SPATA13: variants seen among roughly 807,000 people sequenced by gnomAD.
SPATA13 encodes the protein spermatogenesis-associated protein 13.
In SPATA13, 50 loss-of-function variants were observed where a neutral mutation model predicts 104.0. The observed-to-expected ratio is 0.48, with a 90% CI of 0.38 to 0.61. The LOEUF is 0.61. Ranked by LOEUF, SPATA13 falls within the 20% of genes least tolerant of loss-of-function variation. The probability of loss-of-function intolerance (pLI) is 0.00; values close to 1 mark genes in which losing one functional copy is unlikely to be tolerated. For synonymous variants in SPATA13, 606 were observed against 667.5 expected (o/e 0.91, Z 1.42); for missense variants, 1,524 against 1,690.6 (o/e 0.90, Z 1.73).
At chr13:24,132,367 C>G (rs1198768569) in intron 3 of SPATA13, among the ~76,000 whole-genome samples, 1 of 152,190 alleles carries the variant, frequency 6.6e-6, no homozygotes, top group Non-Finnish European at 1.5e-5. Context: ...TGGACCAAGT[C>G]CTAATTTATG....
intron 3 of SPATA13, among the ~76,000 whole-genome samples, chr13:24,032,544 A>G (rs1877520954): frequency 6.6e-6 from 1 of 152,178 alleles, no homozygotes; most frequent in Admixed American, 6.5e-5. Flanking sequence ...GGTTTCCTTT[A>G]TACTTGTTCA....
At chr13:24,014,764 A>T (rs1876631421) in intron 2 of SPATA13, among the ~76,000 whole-genome samples, 1 of 152,130 alleles carries the variant, frequency 6.6e-6, no homozygotes, top group Non-Finnish European at 1.5e-5. Context: ...TCAATTGTGA[A>T]TTAAGGGTGT....
chr13:24,112,264 C>A (rs1880663523), intron 3 of SPATA13, among the ~76,000 whole-genome samples: 1 of 152,160 alleles, frequency 6.6e-6, no homozygotes, highest in South Asian at 2.1e-4. Context: ...TTTGGTTTGA[C>A]CTAAACATTT....
chr13:24,147,727 C>A (rs1881977711), intron 3 of SPATA13, among the ~76,000 whole-genome samples: 1 of 152,064 alleles, frequency 6.6e-6, no homozygotes, highest in Non-Finnish European at 1.5e-5. Flanking sequence ...AAACTGAAAC[C>A]CTGTACCCAT....
rs771913988 is a variant in SPATA13 at position 24,302,706 on chromosome 13, C to G, written c.3767C>G (p.Ala1256Gly). 1.2e-6 allele frequency: 2 copies of G among 1,614,092 alleles called. No homozygotes were observed. The highest frequency in any genetic ancestry group is 2.2e-5 in the South Asian group (2 of 91,078). The change falls in exon 13 of 13, where the codon GCG becomes GGG. Residue 1256 changes from alanine to glycine, a missense_variant. Physicochemically the swap from Ala to Gly is moderately conservative, Grantham distance 60 (BLOSUM62 0). This residue lies in a region of SPATA13 where 435 missense variants were observed against 554.8 expected (regional missense o/e 0.78). Transcript: ENST00000382108. The part of the protein sequence containing the change: ...SVPQQQVFGL[A>G]EPKRKSSLFW... The stretch of plus-strand genomic sequence containing the variant: ...CCCCAGCAGCAGGTCTTTGGCCTGG[C>G]GGAACCCAAGAGGAAGTCCTCGCTC...
intron 4 of SPATA13, chr13:24,270,784 T>C: frequency 6.2e-7 from 1 of 1,610,478 alleles, no homozygotes; most frequent in Admixed American, 1.7e-5. Context: ...TGCAGTCCTC[T>C]GTGATGCTTG....
chr13:24,224,521 G>T lies in SPATA13; in HGVS notation c.1592G>T (p.Ser531Ile). ...GAAGCCACACATGGTGATGAGGGCA[G>T]CAAGGACCTTCTGGTGAACATTGGT... ...PLEATHGDEG[S>I]KDLLVNIGVA... Residue 531 changes from serine (S) to isoleucine (I), a missense_variant, in exon 2 of 13, where the codon AGC becomes ATC. By Grantham distance (142) the Ser-to-Ile change is moderately radical. Coordinates refer to ENST00000382108, the MANE Select transcript of SPATA13 (RefSeq NM_001166271.3). 1 of 1,547,282 alleles carries T rather than the reference G, an allele frequency of 6.5e-7. No homozygotes were observed. The highest frequency in any genetic ancestry group is 8.7e-7 in the Non-Finnish European group (1 of 1,146,966).
chr13:24,244,420 T>C (rs1207719907), intron 2 of SPATA13, among the ~76,000 whole-genome samples: 2 of 152,386 alleles, frequency 1.3e-5, no homozygotes, highest in East Asian at 3.9e-4. Context: ...CTCTGGTTAA[T>C]AGTTTGCTTT....
intron 5 of SPATA13, among the ~76,000 whole-genome samples, chr13:24,285,669 A>G (rs1241507832): frequency 6.9e-6 from 1 of 144,066 alleles, no homozygotes; most frequent in Non-Finnish European, 1.5e-5. Context: ...GACATGTGCC[A>G]CCACATCTGG....
At chr13:24,092,537 A>G (rs1879942012) in intron 3 of SPATA13, among the ~76,000 whole-genome samples, 1 of 152,236 alleles carries the variant, frequency 6.6e-6, no homozygotes, top group Non-Finnish European at 1.5e-5. Flanking sequence ...ATTAAGAGTA[A>G]GAGTTTATAA....
chr13:24,268,308 C>T (rs769292854), intron 4 of SPATA13, among the ~76,000 whole-genome samples: 5 of 152,170 alleles, frequency 3.3e-5, no homozygotes, highest in Non-Finnish European at 7.3e-5. Flanking sequence ...GGAGACTTTA[C>T]ACGAGAGAGA....
chr13:24,260,743 T>C (rs1276068882), intron 4 of SPATA13, among the ~76,000 whole-genome samples: 1 of 152,246 alleles, frequency 6.6e-6, no homozygotes, highest in African/African-American at 2.4e-5. Flanking sequence ...CCAGTGTCTC[T>C]GGTTTTATTG....
intron 3 of SPATA13, among the ~76,000 whole-genome samples, chr13:24,037,214 G>GA (rs1877718796): frequency 9.5e-6 from 1 of 105,170 alleles, no homozygotes; most frequent in African/African-American, 3.7e-5. Flanking sequence ...AGGGTGGGGG[G>GA]AGGGGGGAGG....
At position 24,011,634 on chromosome 13, in the gene SPATA13, G is replaced by A. The variant is rs1017082639; in HGVS notation, c.-146-6033G>A. ...CCCTCAGATCCACCAACAAGGCACT[G>A]GCCCTGTCTTGCTTTCTTCTCTTGG... On this transcript the variant is annotated intron_variant, in intron 2 of 14. Transcript: ENST00000424834. This position sits in a 1 kb window ranked among gnomAD's most constrained non-coding sequence, Gnocchi z 4.3. Among the ~76,000 whole-genome samples the A allele has an allele frequency of 1.3e-5, 2 of 152,204 alleles. No individual in the cohort carries two copies. Among genetic ancestry groups the A allele is most frequent in the African/African-American group, 4.8e-5 (2 of 41,452 alleles).
At chr13:23,991,897 G>C (rs1875431922) in intron 2 of SPATA13, among the ~76,000 whole-genome samples, 1 of 152,164 alleles carries the variant, frequency 6.6e-6, no homozygotes, top group Non-Finnish European at 1.5e-5. Context: ...GTTCACTCAG[G>C]CTTTGGTATA....
At chr13:24,190,656 A>T (rs1429594773) in intron 1 of SPATA13, among the ~76,000 whole-genome samples, 3 of 151,964 alleles carry the variant, frequency 2.0e-5, no homozygotes, top group African/African-American at 7.3e-5. Context: ...TGAAGATTTG[A>T]TGGAAGTGCT....
chr13:24,101,951 G>A (rs751301777), intron 3 of SPATA13, among the ~76,000 whole-genome samples: 30 of 152,172 alleles, frequency 2.0e-4, no homozygotes, highest in Non-Finnish European at 4.0e-4. Flanking sequence ...ATGGGTGGGC[G>A]AATATCTGCT....
At chr13:24,229,513 C>T (rs1230084896) in intron 2 of SPATA13, among the ~76,000 whole-genome samples, 1 of 152,180 alleles carries the variant, frequency 6.6e-6, no homozygotes, top group Non-Finnish European at 1.5e-5. Flanking sequence ...CTTAGCCCGC[C>T]CTTTGACACT....
intron 2 of SPATA13, among the ~76,000 whole-genome samples, chr13:24,012,177 C>G (rs950495657): frequency 3.3e-4 from 50 of 152,358 alleles, no homozygotes; most frequent in African/African-American, 1.2e-3. Flanking sequence ...GTATCAGTCT[C>G]TTTCCTGGGG....
Sources: allele counts gnomAD v4.1 joint callset (sites outside exome capture counted in the v4.1 genomes callset), GRCh38; gene constraint gnomAD v4.1.1; regional missense constraint gnomAD v4.1.1; non-coding constraint Gnocchi (gnomAD v3.1); transcripts MANE v1.5; gene names NCBI Gene and HGNC (gene_info 2026-07-23, HGNC 2026-07-21).